The following AKR7A2 variants were observed in gnomAD, a reference collection of about 807,000 sequenced individuals.
AKR7A2 encodes the protein aflatoxin B1 aldehyde reductase member 2.
Under a neutral mutation model 37.3 loss-of-function variants are expected in AKR7A2, and 29 were observed. That is an observed-to-expected ratio of 0.78 (90% confidence interval 0.58 to 1.06). AKR7A2 has a LOEUF of 1.06. Ranked by LOEUF, AKR7A2 falls within the 50% of genes least tolerant of loss-of-function variation. The pLI, the probability that AKR7A2 is intolerant of heterozygous loss-of-function variation, is 0.00. For missense variants in AKR7A2, 529 were observed against 497.9 expected (o/e 1.06, Z -0.59); for synonymous variants, 228 against 217.8 (o/e 1.05, Z -0.41).
intron 1 of AKR7A2, among the ~76,000 whole-genome samples, chr1:19,311,392 C>T (rs936669801): frequency 1.3e-5 from 2 of 152,240 alleles, no homozygotes; most frequent in African/African-American, 4.8e-5. Flanking sequence ...GGCAGAGGTA[C>T]TGCCAGCTGC....
At chr1:19,303,764 G>A (rs1453999280), downstream of AKR7A2, among the ~76,000 whole-genome samples, 1 of 152,174 alleles carries the variant, frequency 6.6e-6, no homozygotes, top group African/African-American at 2.4e-5. Context: ...TTTCTATCGT[G>A]TGTAGAAGAG....
intron 3 of AKR7A2, 115 bp from the exon 4 acceptor site, chr1:19,307,525 A>AGTAG: frequency 4.5e-6 from 5 of 1,101,504 alleles, no homozygotes; most frequent in Non-Finnish European, 5.4e-6. Context: ...ATATTCTAAC[A>AGTAG]TCACTACTGT....
At chr1:19,303,170 G>A (rs1029469019), downstream of AKR7A2, among the ~76,000 whole-genome samples, 2 of 152,206 alleles carry the variant, frequency 1.3e-5, no homozygotes, top group Non-Finnish European at 2.9e-5. Flanking sequence ...GGGAGGCTGA[G>A]GTGGGAGGAT....
At chr1:19,311,717 G>A in intron 1 of AKR7A2, 110 bp downstream of exon 1, 1 of 1,402,942 alleles carries the variant, frequency 7.1e-7, no homozygotes. Context: ...TGGGGAGCGA[G>A]GGACGAATCC....
rs757271193 is a variant in AKR7A2, at chr1:19,311,811, C to T, written c.298+16G>A. On this transcript the variant is annotated intron_variant, in intron 1 of 6. Transcript: ENST00000235835. The stretch of plus-strand genomic sequence containing the variant: ...GCTCTACACGATGCATGGGGAGGAT[C>T]TGCAGCTACTGTTACCTCTGCAGTC... 6.2e-7 allele frequency: 1 copy of T among 1,610,136 alleles called. No individual in the cohort carries two copies. Among genetic ancestry groups the T allele is most frequent in the East Asian group, 2.2e-5 (1 of 44,870 alleles).
At chr1:19,308,094 GC>G (rs1357939052) in intron 3 of AKR7A2, 63 bp downstream of exon 3, 4 of 1,603,768 alleles carry the variant, frequency 2.5e-6, no homozygotes, top group Non-Finnish European at 3.4e-6. Flanking sequence ...AGTCAGGGGG[GC>G]AAAGAGAGCC....
At chr1:19,311,779 A>C (rs2093776651) in intron 1 of AKR7A2, 48 bp downstream of exon 1, 2 of 1,606,352 alleles carry the variant, frequency 1.2e-6, no homozygotes, top group Admixed American at 3.3e-5. Flanking sequence ...GGCTGGGGAC[A>C]GGCTCAGCTC....
chr1:19,311,635 G>A (rs1312557318), intron 1 of AKR7A2, among the ~76,000 whole-genome samples, 192 bp downstream of exon 1: 3 of 152,122 alleles, frequency 2.0e-5, no homozygotes, highest in African/African-American at 4.8e-5. Context: ...GAAGGAGAGT[G>A]GGGGAAAGGA....
At chr1:19,305,443 T>C (rs2093759967) in intron 6 of AKR7A2, among the ~76,000 whole-genome samples, 1 of 152,180 alleles carries the variant, frequency 6.6e-6, no homozygotes, top group South Asian at 2.1e-4. Flanking sequence ...GCTCAAGCCA[T>C]CTTCCCATCC....
At position 19,304,360 on chromosome 1, in the gene AKR7A2, C is replaced by T; in HGVS notation, c.945G>A (p.Leu315=). The T allele has an allele frequency of 1.9e-6, 3 of 1,614,134 alleles. No homozygotes were observed. Among genetic ancestry groups the T allele is most frequent in the Non-Finnish European group, 2.5e-6 (3 of 1,180,024 alleles). ...CCAGCTGCTCCAGGCTGGACATGCC[C>T]AGGATGACCGCGTCCCCGTGGGCAC... ...LQGAHGDAVI[L]GMSSLEQLEQ... is the part of the protein sequence containing the mutation. The change falls in exon 7 of 7, where the codon CTG becomes CTA. Residue 315 remains leucine (L), a synonymous_variant. Coordinates refer to ENST00000235835, the MANE Select transcript of AKR7A2 (RefSeq NM_003689.4).
intron 1 of AKR7A2, among the ~76,000 whole-genome samples, 156 bp from the exon 2 acceptor site, chr1:19,308,798 TTAAA>T (rs1489305092): frequency 6.6e-6 from 1 of 152,174 alleles, no homozygotes; most frequent in African/African-American, 2.4e-5. Flanking sequence ...GTCCTGGGGA[TTAAA>T]TAATGTCATA....
At chr1:19,309,833 C>T (rs561763261) in intron 1 of AKR7A2, among the ~76,000 whole-genome samples, 10 of 151,904 alleles carry the variant, frequency 6.6e-5, no homozygotes, top group East Asian at 1.9e-4. Flanking sequence ...CCAGCACTTT[C>T]GGAGGCTGAA....
intron 3 of AKR7A2, 44 bp from the exon 4 acceptor site, chr1:19,307,454 G>C: frequency 6.2e-7 from 1 of 1,606,146 alleles, no homozygotes; most frequent in South Asian, 1.1e-5. Context: ...CATGTCAAGA[G>C]AAGGAACTGT....
At chr1:19,305,433 G>A (rs1157377772) in intron 6 of AKR7A2, among the ~76,000 whole-genome samples, 1 of 152,102 alleles carries the variant, frequency 6.6e-6, no homozygotes, top group East Asian at 1.9e-4. Context: ...GACCTCCCAG[G>A]CTCAAGCCAT....
At position 19,312,062 on chromosome 1, in the gene AKR7A2, C is replaced by T; in HGVS notation, c.63G>A (p.Pro21=). The T allele has an allele frequency of 7.3e-7, 1 of 1,361,842 alleles. No homozygotes were observed. The highest frequency in any genetic ancestry group is 9.4e-7 in the Non-Finnish European group (1 of 1,065,514). 84.4% of individuals were successfully genotyped at this position (1,361,842 alleles called of 1,614,324 possible). A position where few individuals can be genotyped will look rare whatever the true frequency, so the allele number is the denominator to read the frequency against. ...TGGCGAGCGCGCGGGCCTCGGGCGGCGGAGAGCGAAGCGCGCAGTGGACGG... is the reference window on the plus strand; with the variant it reads ...TGGCGAGCGCGCGGGCCTCGGGCGGTGGAGAGCGAAGCGCGCAGTGGACGG... ...RAAVHCALRS[P]PPEARALAMS... The change falls in exon 1 of 7, where the codon CCG becomes CCA. Residue 21 remains proline (P), a synonymous_variant. Transcript: ENST00000235835.
downstream of AKR7A2, among the ~76,000 whole-genome samples, chr1:19,303,654 G>C (rs1452513020): frequency 6.6e-6 from 1 of 152,218 alleles, no homozygotes; most frequent in Non-Finnish European, 1.5e-5. Flanking sequence ...TCTTGGTAGT[G>C]ACTCTAATGG....
chr1:19,307,091 C>T lies in AKR7A2; in HGVS notation c.699G>A (p.Leu233=), dbSNP rs527832954. 2 of 1,614,260 alleles carry T rather than the reference C, an allele frequency of 1.2e-6. No individual in the cohort carries two copies. The highest frequency in any genetic ancestry group is 2.7e-5 in the African/African-American group (2 of 75,062). Residue 233 remains leucine, a synonymous_variant, in exon 5 of 7, where the codon CTG becomes CTA. Coordinates refer to ENST00000235835, the MANE Select transcript of AKR7A2 (RefSeq NM_003689.4). ...YAYNPLAGGL[L]TGKYKYEDKD... is the part of the protein sequence containing the mutation. ...TGTCCTCATACTTGTACTTGCCAGTCAGCAGGCCCCCTGCGGGAAGGCAGC... is the reference window on the plus strand; with the variant it reads ...TGTCCTCATACTTGTACTTGCCAGTTAGCAGGCCCCCTGCGGGAAGGCAGC...
chr1:19,306,242 A>C (rs1175453280), intron 5 of AKR7A2, 95 bp from the exon 6 acceptor site: 1 of 1,561,662 alleles, frequency 6.4e-7, no homozygotes, highest in African/African-American at 1.4e-5. Context: ...GCCCCACCCC[A>C]CACCCTGCAG....
chr1:19,304,280 G>A lies in AKR7A2; in HGVS notation c.1025C>T (p.Ala342Val). The A allele has an allele frequency of 6.2e-7, 1 of 1,614,160 alleles. No homozygotes were observed. The highest frequency in any genetic ancestry group is 8.5e-7 in the Non-Finnish European group (1 of 1,180,040). Reference protein sequence around the residue: ...EGPLEPAVVDAFNQAWHLVAH... With the variant: ...EGPLEPAVVDVFNQAWHLVAH... ...AACCAAATGCCAGGCTTGATTAAAG[G>A]CATCCACGACAGCCGGCTCCAGGGG... is the stretch of plus-strand genomic sequence containing the variant. The change falls in exon 7 of 7, where the codon GCC (alanine) becomes GTC (valine). Residue 342 changes from alanine (A) to valine (V), a missense_variant. Transcript: ENST00000235835.
Sources: allele counts gnomAD v4.1 joint callset (sites outside exome capture counted in the v4.1 genomes callset), GRCh38; gene constraint gnomAD v4.1.1; transcripts MANE v1.5; gene names NCBI Gene and HGNC (gene_info 2026-07-23, HGNC 2026-07-21).